Variants in MAT1A observed in about 807,000 individuals in gnomAD.
MAT1A encodes the protein S-adenosylmethionine synthase isoform type-1.
In MAT1A, 19 loss-of-function variants were observed where a neutral mutation model predicts 44.0. That is an observed-to-expected ratio of 0.43 (90% CI 0.30 to 0.63). The LOEUF is 0.63. MAT1A is among the 30% of genes least tolerant of loss of function. The probability of loss-of-function intolerance (pLI) is 0.12; values close to 1 mark genes in which losing one functional copy is unlikely to be tolerated. For synonymous variants in MAT1A, 205 were observed against 205.6 expected, an observed-to-expected ratio of 1.00 and a Z score of 0.03; for missense variants, 397 against 531.0, an observed-to-expected ratio of 0.75 and a Z score of 2.48.
intron 2 of MAT1A, 67 bp from the exon 3 acceptor site, chr10:80,284,105 A>C: frequency 1.3e-6 from 2 of 1,588,844 alleles, no homozygotes; most frequent in Non-Finnish European, 8.6e-7. Flanking sequence ...TCACATTCCC[A>C]GACCTCTCAC....
chr10:80,279,880 G>A (rs1191521183), intron 5 of MAT1A, among the ~76,000 whole-genome samples: 1 of 151,452 alleles, frequency 6.6e-6, no homozygotes, highest in Non-Finnish European at 1.5e-5. Context: ...AGTTAAGTAT[G>A]TTTGTGGCAG....
At chr10:80,281,224 GATA>G (rs1841562398) in intron 3 of MAT1A, among the ~76,000 whole-genome samples, 1 of 152,192 alleles carries the variant, frequency 6.6e-6, no homozygotes, top group South Asian at 2.1e-4. Context: ...GAGCCCTTTT[GATA>G]CTGTCACTCA....
intron 8 of MAT1A, 112 bp from the exon 9 acceptor site, chr10:80,273,995 T>A: frequency 1.2e-6 from 1 of 803,360 alleles, no homozygotes; most frequent in Non-Finnish European, 2.2e-6. Flanking sequence ...CCTCCTCGCA[T>A]GGCACTACGC....
chr10:80,282,979 C>A (rs531342026), intron 3 of MAT1A, among the ~76,000 whole-genome samples: 1 of 152,138 alleles, frequency 6.6e-6, no homozygotes, highest in African/African-American at 2.4e-5. Context: ...GTCTTTTTGC[C>A]ATGGCGTGAG....
intron 1 of MAT1A, 112 bp downstream of exon 1, chr10:80,289,221 C>T: frequency 1.2e-6 from 1 of 862,230 alleles, no homozygotes; most frequent in African/African-American, 1.6e-5. Context: ...ACACACGGTA[C>T]CCCATAAATA....
At chr10:80,282,822 G>T (rs1180006368) in intron 3 of MAT1A, among the ~76,000 whole-genome samples, 3 of 152,040 alleles carry the variant, frequency 2.0e-5, no homozygotes, top group Non-Finnish European at 2.9e-5. Flanking sequence ...TACAAACGGG[G>T]GTCCAGCACC....
chr10:80,285,471 C>A, intron 2 of MAT1A, 41 bp downstream of exon 2: 1 of 1,543,286 alleles, frequency 6.5e-7, no homozygotes, highest in Non-Finnish European at 9.0e-7. Flanking sequence ...TCAGTCTAGC[C>A]CACTTAGGTC....
At chr10:80,281,202 GGA>G (rs979443542) in intron 3 of MAT1A, among the ~76,000 whole-genome samples, 8 of 152,126 alleles carry the variant, frequency 5.3e-5, no homozygotes, top group African/African-American at 1.7e-4. Flanking sequence ...CACTGCACTA[GGA>G]GAAAATCAAG....
chr10:80,286,638 C>T (rs991832877), intron 1 of MAT1A, among the ~76,000 whole-genome samples: 6 of 152,172 alleles, frequency 3.9e-5, no homozygotes, highest in African/African-American at 1.4e-4. Flanking sequence ...AAATGTAAAG[C>T]ACTAAATGGT....
chr10:80,285,613 AG>A (rs774507166), intron 1 of MAT1A, 24 bp from the exon 2 acceptor site: 3 of 1,471,792 alleles, frequency 2.0e-6, no homozygotes, highest in Non-Finnish European at 2.9e-6. Flanking sequence ...AATATGGGTC[AG>A]AATCACAAAA....
chr10:80,288,663 C>G lies in MAT1A; in HGVS notation c.91+670G>C, dbSNP rs75461743. 2.6e-3 allele frequency among the ~76,000 whole-genome samples: 403 copies of G among 152,332 alleles called. 1 individual carries two copies. Among genetic ancestry groups the G allele is most frequent in the Non-Finnish European group, 4.6e-3 (315 of 68,016 alleles). On this transcript the variant is annotated intron_variant, in intron 1 of 8. Coordinates refer to ENST00000372213, the MANE Select transcript of MAT1A (RefSeq NM_000429.3). ...GTCTACCCCAGCAGTGACCAGGGTG[C>G]AGGCTTTCATGCCTAAGTTGCACAT...
At chr10:80,285,165 C>G (rs1223840436) in intron 2 of MAT1A, among the ~76,000 whole-genome samples, 1 of 152,190 alleles carries the variant, frequency 6.6e-6, no homozygotes, top group Non-Finnish European at 1.5e-5. Flanking sequence ...CAAGCTCTTG[C>G]ATCCCGTCTG....
At chr10:80,289,286 A>C (rs746883413) in intron 1 of MAT1A, 47 bp downstream of exon 1, 1 of 1,475,874 alleles carries the variant, frequency 6.8e-7, no homozygotes, top group South Asian at 1.1e-5. Flanking sequence ...CCCTCAGTAT[A>C]GGCTTGGAAT....
intron 4 of MAT1A, among the ~76,000 whole-genome samples, 174 bp from the exon 5 acceptor site, chr10:80,280,490 G>C (rs936451825): frequency 1.3e-5 from 2 of 152,158 alleles, no homozygotes; most frequent in Non-Finnish European, 1.5e-5. Flanking sequence ...CACTCTAGGA[G>C]GGGGAGACAA....
chr10:80,284,386 T>C (rs1396267658), intron 2 of MAT1A, among the ~76,000 whole-genome samples: 1 of 152,110 alleles, frequency 6.6e-6, no homozygotes, highest in East Asian at 1.9e-4. Flanking sequence ...ATAAAGAAGG[T>C]AGTCCACACA....
intron 3 of MAT1A, among the ~76,000 whole-genome samples, chr10:80,281,748 A>T (rs1841570670): frequency 1.3e-5 from 2 of 152,224 alleles, no homozygotes; most frequent in South Asian, 4.1e-4. Context: ...TCAGGTGGGG[A>T]TCTACTGCCA....
chr10:80,276,991 G>C (rs1841497830), intron 5 of MAT1A, among the ~76,000 whole-genome samples: 3 of 152,222 alleles, frequency 2.0e-5, no homozygotes, highest in Non-Finnish European at 4.4e-5. Flanking sequence ...CAATGATGCA[G>C]ATAAGAAAGC....
chr10:80,274,425 GA>G, intron 8 of MAT1A, 94 bp downstream of exon 8: 1 of 1,567,298 alleles, frequency 6.4e-7, no homozygotes. Context: ...CTGAGAGGCA[GA>G]AACATCCTCC....
chr10:80,278,383 A>G (rs2132704152), intron 5 of MAT1A, among the ~76,000 whole-genome samples: 1 of 152,228 alleles, frequency 6.6e-6, no homozygotes, highest in South Asian at 2.1e-4. Context: ...CAAGGAAGAG[A>G]AAAAACAGTC....
Sources: gnomAD v4.1 joint callset for allele counts (sites outside exome capture counted in the v4.1 genomes callset) on GRCh38, gnomAD v4.1.1 for gene constraint, MANE v1.5 for transcripts, NCBI Gene and HGNC (gene_info 2026-07-23, HGNC 2026-07-21) for gene names.